The following ARHGAP26 variants were observed in gnomAD, a reference collection of about 807,000 sequenced individuals.
ARHGAP26 encodes Rho GTPase activating protein 26, also known as rho GTPase-activating protein 26.
A neutral mutation model predicts 104.8 loss-of-function variants in ARHGAP26; 38 were observed. The ratio of observed to expected loss-of-function variants is 0.36; its 90% CI spans 0.28 to 0.48. The LOEUF (loss-of-function observed/expected upper bound fraction) is 0.48, where lower values mean the gene tolerates loss of function less well. Among genes scored for constraint, ARHGAP26 ranks in the 20% least tolerant of loss-of-function variants. The probability of loss-of-function intolerance (pLI) is 0.99; values close to 1 mark genes in which losing one functional copy is unlikely to be tolerated. For missense variants in ARHGAP26, 704 were observed against 947.9 expected (o/e 0.74, Z 3.38); for synonymous variants, 341 against 340.0 (o/e 1.00, Z -0.03).
intron 22 of ARHGAP26, among the ~76,000 whole-genome samples, chr5:143,219,421 C>T (rs1428628440): frequency 6.6e-6 from 1 of 152,130 alleles, no homozygotes; most frequent in African/African-American, 2.4e-5. Flanking sequence ...TGCTATAATC[C>T]AAACCAAAAC....
intron 20 of ARHGAP26, chr5:143,169,041 A>G (rs1802421632): frequency 6.6e-6 from 1 of 152,278 alleles, no homozygotes. Context: ...ACAGAGCACC[A>G]TGCACTACTA....
chr5:142,920,539 C>T (rs1237076831), intron 10 of ARHGAP26, among the ~76,000 whole-genome samples: 2 of 152,108 alleles, frequency 1.3e-5, no homozygotes, highest in African/African-American at 4.8e-5. Flanking sequence ...TCTTGAGGGG[C>T]AGTGTTTACA....
chr5:142,945,306 T>G (rs1049610520), intron 11 of ARHGAP26, among the ~76,000 whole-genome samples: 3 of 152,214 alleles, frequency 2.0e-5, no homozygotes, highest in South Asian at 4.1e-4. Flanking sequence ...AGAGAAGAGA[T>G]GGAAGATGCC....
At chr5:142,934,441 A>G (rs900786518) in intron 11 of ARHGAP26, among the ~76,000 whole-genome samples, 1 of 152,214 alleles carries the variant, frequency 6.6e-6, no homozygotes, top group Non-Finnish European at 1.5e-5. Context: ...TTAGTTTCCT[A>G]AAGAGAGAGA....
At chr5:143,193,534 G>A (rs1806292168) in intron 20 of ARHGAP26, among the ~76,000 whole-genome samples, 1 of 152,132 alleles carries the variant, frequency 6.6e-6, no homozygotes, top group Admixed American at 6.5e-5. Flanking sequence ...ACAGGCGTGA[G>A]CCACCATGCC....
intron 1 of ARHGAP26, among the ~76,000 whole-genome samples, chr5:142,820,295 G>T (rs1025327977): frequency 3.9e-5 from 6 of 152,206 alleles, no homozygotes; most frequent in African/African-American, 1.2e-4. Context: ...AAACTTTCTT[G>T]TTAAGAGTTT....
intron 20 of ARHGAP26, among the ~76,000 whole-genome samples, chr5:143,200,493 A>G (rs1224903273): frequency 1.3e-5 from 2 of 152,244 alleles, no homozygotes; most frequent in Non-Finnish European, 2.9e-5. Flanking sequence ...AACAGCCTGT[A>G]GCCATTTTAA....
intron 20 of ARHGAP26, among the ~76,000 whole-genome samples, chr5:143,204,220 G>T (rs992744783): frequency 1.3e-5 from 2 of 152,134 alleles, no homozygotes; most frequent in Non-Finnish European, 2.9e-5. Flanking sequence ...CTGAAATTCT[G>T]TTGTTAAAAA....
At chr5:143,121,195 G>T (rs1378243904) in intron 18 of ARHGAP26, 48 bp downstream of exon 18, 3 of 1,578,474 alleles carry the variant, frequency 1.9e-6, no homozygotes, top group Non-Finnish European at 2.6e-6. Flanking sequence ...CTGGGGGGAA[G>T]CTGCATTGGA....
intron 4 of ARHGAP26, among the ~76,000 whole-genome samples, chr5:142,883,517 T>C (rs73799023): frequency 5.9e-5 from 9 of 152,368 alleles, no homozygotes; most frequent in East Asian, 1.9e-4. Flanking sequence ...TGAGTATGTG[T>C]CAGCTAAAAT....
chr5:142,847,003 C>T (rs994872309), intron 1 of ARHGAP26, among the ~76,000 whole-genome samples: 1 of 151,514 alleles, frequency 6.6e-6, no homozygotes, highest in South Asian at 2.1e-4. Context: ...AAATGGGTAG[C>T]GGGGGGTGAT....
chr5:143,127,307 G>C (rs1001630297), intron 18 of ARHGAP26, among the ~76,000 whole-genome samples: 1 of 152,188 alleles, frequency 6.6e-6, no homozygotes, highest in Admixed American at 6.5e-5. Flanking sequence ...CACTCGAAAC[G>C]GTTTCTGTAC....
chr5:142,994,061 A>G (rs1776032460), intron 11 of ARHGAP26, among the ~76,000 whole-genome samples: 1 of 152,232 alleles, frequency 6.6e-6, no homozygotes, highest in South Asian at 2.1e-4. Context: ...AATGCCTGCT[A>G]TGTGCAAGGC....
At chr5:143,022,939 C>A (rs1215000405) in intron 12 of ARHGAP26, among the ~76,000 whole-genome samples, 2 of 152,222 alleles carry the variant, frequency 1.3e-5, no homozygotes, top group Non-Finnish European at 2.9e-5. Context: ...CAGACTCCAA[C>A]ATCTAACCCC....
chr5:143,162,187 G>A (rs930391485), intron 20 of ARHGAP26, among the ~76,000 whole-genome samples: 3 of 151,984 alleles, frequency 2.0e-5, no homozygotes, highest in Middle Eastern at 3.4e-3. Flanking sequence ...CATATACTGT[G>A]CCTTACAGCA....
intron 1 of ARHGAP26, among the ~76,000 whole-genome samples, chr5:142,847,839 G>A (rs1772337065): frequency 6.6e-6 from 1 of 152,242 alleles, no homozygotes; most frequent in Non-Finnish European, 1.5e-5. Flanking sequence ...TGGACACCTG[G>A]AGGTGGGGAA....
chr5:142,783,203 T>A (rs1757870207), intron 1 of ARHGAP26, among the ~76,000 whole-genome samples: 1 of 152,226 alleles, frequency 6.6e-6, no homozygotes, highest in Non-Finnish European at 1.5e-5. Context: ...ACTGCAGGCC[T>A]AGGAATGATG....
At chr5:142,823,102 T>G (rs1766516901) in intron 1 of ARHGAP26, among the ~76,000 whole-genome samples, 1 of 152,264 alleles carries the variant, frequency 6.6e-6, no homozygotes, top group Admixed American at 6.5e-5. Context: ...ATTCCCATTT[T>G]ACAGCTGAGT....
intron 1 of ARHGAP26, among the ~76,000 whole-genome samples, chr5:142,872,201 C>A (rs921101994): frequency 1.3e-5 from 2 of 152,002 alleles, no homozygotes; most frequent in African/African-American, 2.4e-5. Flanking sequence ...GGAAACAAAC[C>A]AAAACAAACA....
Sources: allele counts gnomAD v4.1 joint callset (sites outside exome capture counted in the v4.1 genomes callset), GRCh38; gene constraint gnomAD v4.1.1; transcripts MANE v1.5; gene names NCBI Gene and HGNC (gene_info 2026-07-23, HGNC 2026-07-21).